The following LIPK variants were observed in gnomAD, a reference collection of about 807,000 sequenced individuals.
LIPK encodes lipase family member K.
Under a neutral mutation model 48.6 loss-of-function variants are expected in LIPK, and 32 were observed. The observed-to-expected ratio is 0.66, with a 90% CI of 0.50 to 0.88. The LOEUF (loss-of-function observed/expected upper bound fraction) is 0.88. Among genes scored for constraint, LIPK ranks in the 40% least tolerant of loss-of-function variants. LIPK has a pLI of 0.00. For synonymous variants in LIPK, 164 were observed against 157.4 expected (o/e 1.04, Z -0.32); for missense variants, 507 against 478.5 (o/e 1.06, Z -0.56).
At chr10:88,710,915 T>C (rs1336570020) in intron 1 of LIPK, among the ~76,000 whole-genome samples, 2 of 152,164 alleles carry the variant, frequency 1.3e-5, no homozygotes, top group African/African-American at 4.8e-5. Flanking sequence ...TAAATATATA[T>C]CCCATCATCA....
intron 1 of LIPK, among the ~76,000 whole-genome samples, chr10:88,723,280 T>TA (rs1160693116): frequency 2.0e-5 from 3 of 152,164 alleles, no homozygotes; most frequent in Non-Finnish European, 4.4e-5. Flanking sequence ...CAATACATAG[T>TA]TATAAGAGCA....
chr10:88,742,452 AAC>A (rs1432048395), intron 8 of LIPK, among the ~76,000 whole-genome samples: 25 of 152,258 alleles, frequency 1.6e-4, no homozygotes, highest in Non-Finnish European at 3.2e-4. Context: ...AAGAAAGAAA[AAC>A]ACAGAATAGT....
At position 88,706,281 on chromosome 10, in the gene LIPK, T is replaced by C. The variant is rs1383904419; in HGVS notation, c.-51T>C. Among the ~76,000 whole-genome samples, 1 of 152,150 alleles carries C rather than the reference T, an allele frequency of 6.6e-6. No homozygotes were observed. The highest frequency in any genetic ancestry group is 1.5e-5 in the Non-Finnish European group (1 of 68,036). ...GAAGGATCTGGAATGCACCTGAAGC[T>C]CCCAGGACTTGAAGACAGACCTCCA... On this transcript the variant is annotated 5_prime_UTR_variant, in exon 1 of 10. Transcript: ENST00000404190.
intron 9 of LIPK, among the ~76,000 whole-genome samples, chr10:88,744,866 A>C (rs1307205956): frequency 6.6e-6 from 1 of 152,230 alleles, no homozygotes; most frequent in Non-Finnish European, 1.5e-5. Context: ...ACTCAGTCCA[A>C]GGAATCTAAG....
chr10:88,747,543 A>C (rs1238957393), intron 9 of LIPK, among the ~76,000 whole-genome samples: 1 of 152,176 alleles, frequency 6.6e-6, no homozygotes, highest in Non-Finnish European at 1.5e-5. Flanking sequence ...TAGACACAGA[A>C]AAGACTCTTA....
At chr10:88,738,447 A>T (rs190693638) in intron 7 of LIPK, among the ~76,000 whole-genome samples, 3 of 152,350 alleles carry the variant, frequency 2.0e-5, no homozygotes, top group East Asian at 3.9e-4. Context: ...CTACTCTCCC[A>T]GTCAGTAGAA....
chr10:88,746,101 A>G lies in LIPK; in HGVS notation c.960+2780A>G, dbSNP rs1023208053. On this transcript the variant is annotated intron_variant, in intron 9 of 9. Coordinates refer to ENST00000404190, the MANE Select transcript of LIPK (RefSeq NM_001080518.2). ...AACTATCCTAAATATATATGCACCC[A>G]ACACAGGAGCACCCAGATTCATAAA... is the stretch of plus-strand genomic sequence containing the variant. Among the ~76,000 whole-genome samples, 7 of 152,294 alleles carry G rather than the reference A, an allele frequency of 4.6e-5. No individual in the cohort carries two copies. The Middle Eastern group carries it at 0.014, about 296-fold the overall frequency.
At chr10:88,730,235 A>G (rs1842436072) in intron 3 of LIPK, among the ~76,000 whole-genome samples, 2 of 152,192 alleles carry the variant, frequency 1.3e-5, no homozygotes, top group Admixed American at 6.5e-5. Flanking sequence ...CTATTAATAT[A>G]AGTAACAGTA....
intron 3 of LIPK, among the ~76,000 whole-genome samples, chr10:88,730,520 G>A (rs890490342): frequency 6.6e-6 from 1 of 152,152 alleles, no homozygotes; most frequent in Non-Finnish European, 1.5e-5. Flanking sequence ...TCGATCTCCT[G>A]ACCTCGTGAT....
chr10:88,707,119 G>T (rs190259291), intron 1 of LIPK, among the ~76,000 whole-genome samples: 1 of 152,162 alleles, frequency 6.6e-6, no homozygotes, highest in East Asian at 1.9e-4. Context: ...TTACAAAATA[G>T]TTATCCTTTG....
intron 1 of LIPK, among the ~76,000 whole-genome samples, chr10:88,714,478 G>A (rs1021766894): frequency 2.6e-5 from 4 of 152,008 alleles, no homozygotes; most frequent in East Asian, 1.9e-4. Context: ...AATTTCTTCC[G>A]CATATTAGAT....
intron 1 of LIPK, among the ~76,000 whole-genome samples, chr10:88,707,368 A>G (rs1478431269): frequency 6.6e-6 from 1 of 152,098 alleles, no homozygotes; most frequent in Non-Finnish European, 1.5e-5. Context: ...TTGTAAGGAC[A>G]TTGAGGGAAA....
At chr10:88,714,058 A>G (rs1408185971) in intron 1 of LIPK, among the ~76,000 whole-genome samples, 1 of 152,132 alleles carries the variant, frequency 6.6e-6, no homozygotes, top group Non-Finnish European at 1.5e-5. Flanking sequence ...TTTATTTAAT[A>G]GCACCTCCAG....
At chr10:88,714,208 T>C (rs1204808854) in intron 1 of LIPK, among the ~76,000 whole-genome samples, 2 of 152,172 alleles carry the variant, frequency 1.3e-5, no homozygotes, top group African/African-American at 2.4e-5. Flanking sequence ...ATTGAGTTCC[T>C]TTTCATTTCT....
intron 6 of LIPK, among the ~76,000 whole-genome samples, chr10:88,736,378 C>A (rs1842571748): frequency 6.6e-6 from 1 of 152,006 alleles, no homozygotes; most frequent in African/African-American, 2.4e-5. Flanking sequence ...TAGATAATAC[C>A]CTAGATAATT....
At position 88,752,648 on chromosome 10, in the gene LIPK, C is replaced by T. The variant is rs778397460; in HGVS notation, c.1092C>T (p.Tyr364=). 9.5e-6 allele frequency: 15 copies of T among 1,573,768 alleles called. 1 individual carries two copies. In the South Asian group the frequency reaches 1.7e-4, roughly 18 times the overall value. Residue 364 remains tyrosine, a synonymous_variant, in exon 10 of 10, where the codon TAC becomes TAT. Transcript: ENST00000404190. ...CTCAAATTGCTAACCTTATTTATTACAAGCTGATTCCACACTACAATCATG... is the reference window on the plus strand; with the variant it reads ...CTCAAATTGCTAACCTTATTTATTATAAGCTGATTCCACACTACAATCATG... ...LLPQIANLIY[Y]KLIPHYNHVD...
At position 88,732,474 on chromosome 10, in the gene LIPK, C is replaced by T. The variant is rs1340337724; in HGVS notation, c.592C>T (p.Leu198=). ...LAKKIKIFFA[L]APVVTVKYTQ... ...TAAAAAGATTAAGATATTTTTTGCA[C>T]TGGCTCCAGTTGTCACAGTTAAATA... Residue 198 remains leucine (L), a synonymous_variant, in exon 6 of 10, where the codon CTG becomes TTG. Transcript: ENST00000404190. 1.2e-6 allele frequency: 2 copies of T among 1,613,420 alleles called. No homozygotes were observed. The highest frequency in any genetic ancestry group is 1.7e-6 in the Non-Finnish European group (2 of 1,179,684).
At chr10:88,734,101 A>T (rs560117255) in intron 6 of LIPK, among the ~76,000 whole-genome samples, 3 of 152,364 alleles carry the variant, frequency 2.0e-5, no homozygotes, top group African/African-American at 7.2e-5. Flanking sequence ...CAATAGAGGA[A>T]CTATAGTACC....
rs1015452302 is a variant in LIPK, at chr10:88,732,035, G to A, written c.423-143G>A. On this transcript the variant is annotated intron_variant, in intron 4 of 9. Coordinates refer to ENST00000404190, the MANE Select transcript of LIPK (RefSeq NM_001080518.2). ...AATCAAGGTGACACCCTTAAAAGTT[G>A]CATAGTTGCCTAATATCATATATCG... 3 of 517,964 alleles carry A rather than the reference G, an allele frequency of 5.8e-6. No individual in the cohort carries two copies. In the East Asian group the frequency reaches 9.3e-5, roughly 16 times the overall value. The allele number at this position is 517,964 out of a possible 1,614,324, so 32.1% of individuals were successfully genotyped here.
Sources: allele counts gnomAD v4.1 joint callset (sites outside exome capture counted in the v4.1 genomes callset), GRCh38; gene constraint gnomAD v4.1.1; transcripts MANE v1.5; gene names NCBI Gene and HGNC (gene_info 2026-07-23, HGNC 2026-07-21).